The following RBFOX1 variants were observed in gnomAD, a reference collection of about 807,000 sequenced individuals.
The protein encoded by RBFOX1 is RNA binding protein fox-1 homolog 1.
A neutral mutation model predicts 57.7 loss-of-function variants in RBFOX1; 8 were observed. That is an observed-to-expected ratio of 0.14 (90% CI 0.08 to 0.25). The LOEUF (loss-of-function observed/expected upper bound fraction) is 0.25. Ranked by LOEUF, RBFOX1 falls within the 10% of genes least tolerant of loss-of-function variation. The probability of loss-of-function intolerance (pLI) is 1.00; values close to 1 mark genes in which losing one functional copy is unlikely to be tolerated. For synonymous variants in RBFOX1, 326 were observed against 222.4 expected (o/e 1.47, Z -4.15); for missense variants, 611 against 548.5 (o/e 1.11, Z -1.14).
In RBFOX1 at chr16:6,053,838, G is replaced by A. The variant is rs558583237; in HGVS notation, c.-127+33846G>A. On this transcript the variant is annotated intron_variant, in intron 1 of 15. Transcript: ENST00000550418. The stretch of plus-strand genomic sequence containing the variant: ...TTTGGGAGGCTGAGGCAGGAGGATC[G>A]CTTGAGCACAGGAGTTCAAGACCAG... Among the ~76,000 whole-genome samples, 11 of 152,074 alleles carry A rather than the reference G, an allele frequency of 7.2e-5. No homozygotes were observed. In the South Asian group the frequency reaches 1.7e-3, roughly 23 times the overall value.
At chr16:6,027,169 A>T (rs992997117) in intron 1 of RBFOX1, among the ~76,000 whole-genome samples, 2 of 152,066 alleles carry the variant, frequency 1.3e-5, no homozygotes, top group African/African-American at 4.8e-5. Flanking sequence ...CATGGTTGGG[A>T]CCCTAATAGC....
intron 4 of RBFOX1, among the ~76,000 whole-genome samples, chr16:7,420,578 T>G (rs2098530879): frequency 6.6e-6 from 1 of 152,116 alleles, no homozygotes; most frequent in Non-Finnish European, 1.5e-5. Context: ...TATTTATTAT[T>G]TGTATCTTTT....
intron 3 of RBFOX1, among the ~76,000 whole-genome samples, chr16:7,044,731 T>C (rs1037406017): frequency 6.6e-6 from 1 of 152,206 alleles, no homozygotes; most frequent in Non-Finnish European, 1.5e-5. Context: ...AGTTTCCAAA[T>C]GAAATGACAT....
intron 1 of RBFOX1, among the ~76,000 whole-genome samples, chr16:6,072,200 C>A (rs1410899680): frequency 6.6e-6 from 1 of 152,104 alleles, no homozygotes; most frequent in South Asian, 2.1e-4. Context: ...GTCTTATTCA[C>A]TATCAGAGAA....
rs542617171 is a variant in RBFOX1 at position 6,151,237 on chromosome 16, C to T, written c.-127+131245C>T. ...TTGTGGCCAGGCTTAAGGAACCCCG[C>T]GACACCATTTGTTTTCAGGAATTGC... On this transcript the variant is annotated intron_variant, in intron 1 of 15. Coordinates refer to ENST00000550418, the MANE Select transcript of RBFOX1 (RefSeq NM_018723.4). Among the ~76,000 whole-genome samples the T allele has an allele frequency of 7.9e-5, 12 of 152,218 alleles. No homozygotes were observed. The South Asian group carries it at 8.3e-4, about 11-fold the overall frequency.
At chr16:7,127,772 G>C (rs549547485) in intron 4 of RBFOX1, among the ~76,000 whole-genome samples, 3 of 152,194 alleles carry the variant, frequency 2.0e-5, no homozygotes, top group Non-Finnish European at 4.4e-5. Flanking sequence ...CCCCGTGGAG[G>C]CAGGCTGAAG....
intron 3 of RBFOX1, among the ~76,000 whole-genome samples, chr16:6,832,800 C>G (rs2092802597): frequency 1.3e-5 from 2 of 152,194 alleles, no homozygotes; most frequent in Admixed American, 6.5e-5. Context: ...GTGAGCAGCC[C>G]AGCTACTGTT....
chr16:7,382,912 G>A (rs769291527), intron 4 of RBFOX1, among the ~76,000 whole-genome samples: 1 of 152,190 alleles, frequency 6.6e-6, no homozygotes, highest in African/African-American at 2.4e-5. Flanking sequence ...GTTTAGTTTA[G>A]ATATTTGCCT....
At chr16:5,362,335 T>G (rs1461797403) in intron 1 of RBFOX1, among the ~76,000 whole-genome samples, 1 of 150,612 alleles carries the variant, frequency 6.6e-6, no homozygotes, top group Non-Finnish European at 1.5e-5. Context: ...GGACTACAGG[T>G]GCACGCCACC....
At chr16:6,895,569 A>C (rs1032117600) in intron 3 of RBFOX1, among the ~76,000 whole-genome samples, 1 of 150,436 alleles carries the variant, frequency 6.6e-6, no homozygotes, top group Non-Finnish European at 1.5e-5. Flanking sequence ...GAGAGGAAGG[A>C]TCTATGTTCA....
At chr16:7,042,662 G>C (rs972685452) in intron 3 of RBFOX1, among the ~76,000 whole-genome samples, 1 of 152,166 alleles carries the variant, frequency 6.6e-6, no homozygotes, top group African/African-American at 2.4e-5. Flanking sequence ...GCAGTGGCTT[G>C]CGCCTGTAAT....
chr16:6,410,614 T>C (rs1348925035), intron 2 of RBFOX1, among the ~76,000 whole-genome samples: 1 of 152,014 alleles, frequency 6.6e-6, no homozygotes, highest in Non-Finnish European at 1.5e-5. Flanking sequence ...CACCTTCTAT[T>C]TGAGGCCCTG....
At chr16:5,834,904 G>A (rs909302015) in intron 3 of RBFOX1, among the ~76,000 whole-genome samples, 11 of 152,274 alleles carry the variant, frequency 7.2e-5, no homozygotes, top group Admixed American at 7.2e-4. Context: ...TCTACTTTCA[G>A]ATCTCTGAGA....
chr16:6,228,871 T>C (rs1404458888), intron 1 of RBFOX1, among the ~76,000 whole-genome samples: 1 of 152,212 alleles, frequency 6.6e-6, no homozygotes, highest in Non-Finnish European at 1.5e-5. Flanking sequence ...TCCACATGTA[T>C]ACATGTTTGA....
intron 3 of RBFOX1, among the ~76,000 whole-genome samples, chr16:6,859,132 T>C (rs1304053840): frequency 1.1e-5 from 1 of 88,688 alleles, no homozygotes; most frequent in Non-Finnish European, 2.3e-5. Context: ...TATATATACA[T>C]ATATATACGT....
At chr16:7,639,111 G>A (rs578179245) in intron 11 of RBFOX1, among the ~76,000 whole-genome samples, 15 of 152,064 alleles carry the variant, frequency 9.9e-5, no homozygotes, top group African/African-American at 3.6e-4. Flanking sequence ...ACAGGAATTG[G>A]GTGGTTAGTT....
chr16:6,619,687 CTTTTTT>C (rs34849467), intron 2 of RBFOX1, among the ~76,000 whole-genome samples: 2 of 117,948 alleles, frequency 1.7e-5, no homozygotes, highest in Admixed American at 8.9e-5. Context: ...TGTTGGTTTC[CTTTTTT>C]TTTTTTTTTT....
chr16:7,310,751 C>T (rs746511401), intron 4 of RBFOX1, among the ~76,000 whole-genome samples: 2 of 152,194 alleles, frequency 1.3e-5, no homozygotes, highest in South Asian at 4.1e-4. Context: ...TCCCAGCATA[C>T]GTGGAACTAA....
At chr16:7,659,923 G>GCA (rs939529383) in intron 12 of RBFOX1, among the ~76,000 whole-genome samples, 9 of 151,752 alleles carry the variant, frequency 5.9e-5, no homozygotes, top group Admixed American at 2.0e-4. Context: ...CGTACAAACA[G>GCA]CACACACACA....
Sources: gnomAD v4.1 joint callset for allele counts (sites outside exome capture counted in the v4.1 genomes callset) on GRCh38, gnomAD v4.1.1 for gene constraint, MANE v1.5 for transcripts, NCBI Gene and HGNC (gene_info 2026-07-23, HGNC 2026-07-21) for gene names.